DPP3: variants seen among roughly 807,000 people sequenced by gnomAD.
The protein encoded by DPP3 is DPP III.
DPP3 carries 64 observed loss-of-function variants against 89.8 expected under a neutral mutation model. The observed-to-expected ratio is 0.71, with a 90% confidence interval of 0.58 to 0.88. DPP3 has a LOEUF of 0.88. Ranked by LOEUF, DPP3 falls within the 40% of genes least tolerant of loss-of-function variation. The probability of loss-of-function intolerance (pLI) is 0.00; values close to 1 mark genes in which losing one functional copy is unlikely to be tolerated. For synonymous variants in DPP3, 377 were observed against 404.3 expected (o/e 0.93, Z 0.81); for missense variants, 835 against 972.5 (o/e 0.86, Z 1.88).
rs1043988217 is a variant in DPP3 at position 66,485,202 on chromosome 11, C to T, written c.300C>T (p.Tyr100=). Residue 100 remains tyrosine, a synonymous_variant, in exon 3 of 18, where the codon TAC becomes TAT. Transcript: ENST00000531863. ...QAFLVYAAGV[Y]SNMGNYKSFG... ...TCCTGGTCTATGCCGCGGGTGTTTA[C>T]TCCAACATGGGCAACTACAAGTCCT... The T allele has an allele frequency of 2.5e-6, 4 of 1,614,056 alleles. No individual in the cohort carries two copies. The African/African-American group carries it at 4.0e-5, about 16-fold the overall frequency.
rs568649600 is a variant in DPP3, at chr11:66,507,916, A to G, written c.2042-1163A>G. On this transcript the variant is annotated intron_variant, in intron 17 of 17. Transcript: ENST00000531863. ...AATCTCGAACTCCTGACCTCAAGTG[A>G]TCCACCCGCCTCAGCCTCCCAAAGT... 3.3e-5 allele frequency among the ~76,000 whole-genome samples: 5 copies of G among 152,218 alleles called. No individual in the cohort carries two copies. In the East Asian group the frequency reaches 9.7e-4, roughly 29 times the overall value.
chr11:66,497,619 G>C, intron 16 of DPP3, 142 bp downstream of exon 16: 2 of 1,217,776 alleles, frequency 1.6e-6, no homozygotes, highest in South Asian at 1.6e-5. Context: ...AAGCGCACCG[G>C]GTGCCTCACG....
chr11:66,501,400 G>A (rs1362436187), intron 16 of DPP3, among the ~76,000 whole-genome samples: 2 of 151,730 alleles, frequency 1.3e-5, no homozygotes, highest in East Asian at 3.9e-4. Flanking sequence ...AACAGTAGAG[G>A]AGATGAAGTT....
chr11:66,483,042 T>G (rs12417045), intron 2 of DPP3: 3,067 of 152,954 alleles, frequency 0.02, 303 homozygotes, highest in Admixed American at 0.15. Flanking sequence ...TATTTTTTTT[T>G]TGTGACAGAG....
At chr11:66,492,985 C>A in intron 10 of DPP3, 75 bp downstream of exon 10, 1 of 1,603,186 alleles carries the variant, frequency 6.2e-7, no homozygotes, top group South Asian at 1.1e-5. Context: ...CACACACACA[C>A]CCTCCACAAA....
At chr11:66,497,555 A>G (rs1855571526) in intron 16 of DPP3, 78 bp downstream of exon 16, 14 of 1,519,434 alleles carry the variant, frequency 9.2e-6, no homozygotes, top group Middle Eastern at 1.7e-4. Context: ...CACGGAGAAT[A>G]AGCTGTGAGC....
chr11:66,495,557 G>A, intron 14 of DPP3, 68 bp downstream of exon 14: 5 of 1,612,660 alleles, frequency 3.1e-6, no homozygotes, highest in Non-Finnish European at 4.2e-6. Flanking sequence ...CGTGGAGGGT[G>A]GGTGGTAGTG....
At chr11:66,491,156 T>C in intron 6 of DPP3, 97 bp from the exon 7 acceptor site, 1 of 1,563,760 alleles carries the variant, frequency 6.4e-7, no homozygotes, top group Non-Finnish European at 8.7e-7. Flanking sequence ...AAGAGTGCTA[T>C]GGGGAAAAGC....
rs550264121 is a variant in DPP3, at chr11:66,500,221, G to T, written c.1878+2744G>T. On this transcript the variant is annotated intron_variant, in intron 16 of 17. Transcript: ENST00000531863. Reference sequence around the variant, plus strand: ...CATAAAAAATTAGCCAGGCGTATTGGCAGGTGCCTGTAATCCCAGCTACTC... The same window carrying T: ...CATAAAAAATTAGCCAGGCGTATTGTCAGGTGCCTGTAATCCCAGCTACTC... Among the ~76,000 whole-genome samples, 5 of 152,240 alleles carry T rather than the reference G, an allele frequency of 3.3e-5. No homozygotes were observed. In the South Asian group the frequency reaches 1.0e-3, roughly 32 times the overall value.
chr11:66,482,522 A>C (rs1855117213), intron 2 of DPP3, 52 bp downstream of exon 2: 2 of 1,580,128 alleles, frequency 1.3e-6, no homozygotes, highest in Non-Finnish European at 1.7e-6. Context: ...TGGGTGTGAA[A>C]GACCAGGATG....
In DPP3 at chr11:66,482,346, T is replaced by C. The variant is rs768359354; in HGVS notation, c.146T>C (p.Leu49Pro). 1.9e-6 allele frequency: 3 copies of C among 1,613,564 alleles called. No individual in the cohort carries two copies. The highest frequency in any genetic ancestry group is 2.5e-6 in the Non-Finnish European group (3 of 1,180,038). The change falls in exon 2 of 18, where the codon CTG (leucine) becomes CCG (proline). Residue 49 changes from leucine (L) to proline (P), a missense_variant. Coordinates refer to ENST00000531863, the MANE Select transcript of DPP3 (RefSeq NM_130443.4). The stretch of plus-strand genomic sequence containing the variant: ...GCCTGGTACGGAGGCCTGGCTGTGC[T>C]GCTTCAGACCTCCCCTGAGGCCCCC... The part of the protein sequence containing the change: ...RAAWYGGLAV[L>P]LQTSPEAPYI...
chr11:66,501,654 A>G (rs1855678298), intron 16 of DPP3, among the ~76,000 whole-genome samples: 1 of 151,168 alleles, frequency 6.6e-6, no homozygotes, highest in Non-Finnish European at 1.5e-5. Flanking sequence ...GTGAAACCCC[A>G]CATCTACTAA....
chr11:66,484,035 T>G (rs1022557512), intron 2 of DPP3, among the ~76,000 whole-genome samples: 1 of 151,930 alleles, frequency 6.6e-6, no homozygotes, highest in African/African-American at 2.4e-5. Context: ...CGGAGTGCAG[T>G]GGCACAATCT....
At chr11:66,506,400 G>A (rs939913186) in intron 17 of DPP3, among the ~76,000 whole-genome samples, 1 of 151,550 alleles carries the variant, frequency 6.6e-6, no homozygotes, top group African/African-American at 2.4e-5. Flanking sequence ...GATTACAGGC[G>A]CGTGCCGCCA....
intron 17 of DPP3, among the ~76,000 whole-genome samples, chr11:66,505,846 G>GTT (rs1855786894): frequency 6.6e-6 from 1 of 150,820 alleles, no homozygotes; most frequent in African/African-American, 2.4e-5. Context: ...GTCCTGGGCA[G>GTT]TTGTGAGGGT....
chr11:66,504,363 C>T lies in DPP3; in HGVS notation c.1879-249C>T, dbSNP rs1169983448. 3.3e-5 allele frequency among the ~76,000 whole-genome samples: 5 copies of T among 152,096 alleles called. 1 individual carries two copies. The highest frequency in any genetic ancestry group is 7.4e-5 in the Non-Finnish European group (5 of 68,008). ...TCCTCCTCCCAAGGTACTAAGATTA[C>T]AGGTGTGAGCCACCACACCCAGCCT... On this transcript the variant is annotated intron_variant, in intron 16 of 17. Transcript: ENST00000531863.
In DPP3 at chr11:66,507,381, G is replaced by A. The variant is rs1855827432; in HGVS notation, c.2042-1698G>A. Among the ~76,000 whole-genome samples, 3 of 151,930 alleles carry A rather than the reference G, an allele frequency of 2.0e-5. No individual in the cohort carries two copies. In the South Asian group the frequency reaches 6.2e-4, roughly 32 times the overall value. On this transcript the variant is annotated intron_variant, in intron 17 of 17. Transcript: ENST00000531863. ...ACTCAGGAGACTGAGGCAGGAGAAT[G>A]ACCTGAACCCGGGAGGCGGAGCTTG...
intron 2 of DPP3, among the ~76,000 whole-genome samples, chr11:66,484,770 G>T (rs948644608): frequency 6.0e-5 from 9 of 151,072 alleles, no homozygotes; most frequent in Non-Finnish European, 1.3e-4. Flanking sequence ...GGCCTCTCCG[G>T]CTCTAACATG....
intron 16 of DPP3, among the ~76,000 whole-genome samples, chr11:66,499,801 G>A (rs939773636): frequency 6.6e-6 from 1 of 151,876 alleles, no homozygotes; most frequent in Non-Finnish European, 1.5e-5. Context: ...TTTTGAGAGA[G>A]AGGCTATATT....
Sources: allele counts gnomAD v4.1 joint callset (sites outside exome capture counted in the v4.1 genomes callset), GRCh38; gene constraint gnomAD v4.1.1; transcripts MANE v1.5; gene names NCBI Gene and HGNC (gene_info 2026-07-23, HGNC 2026-07-21).